Variants in NTRK2 observed in about 807,000 individuals in gnomAD.
NTRK2 encodes BDNF/NT-3 growth factors receptor.
In NTRK2, 13 loss-of-function variants were observed where a neutral mutation model predicts 94.5. That is an observed-to-expected ratio of 0.14 (90% CI 0.09 to 0.22). The LOEUF is 0.22. NTRK2 is among the 10% of genes least tolerant of loss of function. The pLI is 1.00. For synonymous variants in NTRK2, 372 were observed against 407.4 expected (o/e 0.91, Z 1.05); for missense variants, 639 against 1,071.2 (o/e 0.60, Z 5.63).
intron 14 of NTRK2, among the ~76,000 whole-genome samples, chr9:84,922,479 A>G (rs975838772): frequency 7.9e-5 from 12 of 152,196 alleles, no homozygotes; most frequent in Admixed American, 6.5e-4. Flanking sequence ...TCTCTCTGTT[A>G]GACTCTCCAT....
intron 14 of NTRK2, among the ~76,000 whole-genome samples, chr9:84,898,697 G>T (rs1235607797): frequency 6.6e-6 from 1 of 151,218 alleles, no homozygotes; most frequent in Non-Finnish European, 1.5e-5. Context: ...TTTTTTCTAA[G>T]ACAGAGTCTC....
At chr9:84,922,751 C>G (rs932271487) in intron 14 of NTRK2, among the ~76,000 whole-genome samples, 2 of 152,188 alleles carry the variant, frequency 1.3e-5, no homozygotes, top group Non-Finnish European at 2.9e-5. Flanking sequence ...ATTGACTTCC[C>G]CTTCCTCTTA....
At chr9:84,998,698 C>T (rs1356105236) in intron 17 of NTRK2, among the ~76,000 whole-genome samples, 2 of 152,190 alleles carry the variant, frequency 1.3e-5, no homozygotes, top group Non-Finnish European at 2.9e-5. Flanking sequence ...ACACCTTGGC[C>T]TCTGGCTCTG....
At chr9:84,721,411 C>T (rs1447520842) in intron 6 of NTRK2, among the ~76,000 whole-genome samples, 1 of 152,036 alleles carries the variant, frequency 6.6e-6, no homozygotes, top group Non-Finnish European at 1.5e-5. Context: ...CTCCTGACCT[C>T]GTGATCCACC....
chr9:84,873,948 C>A, intron 14 of NTRK2: 4 of 1,063,006 alleles, frequency 3.8e-6, no homozygotes, highest in South Asian at 9.1e-5. Flanking sequence ...TCATCATCGG[C>A]CAACCAAGAT....
chr9:84,740,806 A>G (rs1461607463), intron 9 of NTRK2, among the ~76,000 whole-genome samples: 4 of 152,160 alleles, frequency 2.6e-5, no homozygotes, highest in Admixed American at 1.3e-4. Context: ...GGCCACTTTT[A>G]TTTGGTTCTT....
intron 2 of NTRK2, among the ~76,000 whole-genome samples, chr9:84,687,690 T>A (rs903194042): frequency 1.3e-5 from 2 of 152,220 alleles, no homozygotes; most frequent in Non-Finnish European, 2.9e-5. Flanking sequence ...CTTTTATATA[T>A]GCTTATATTG....
At chr9:84,895,236 C>G (rs1229456719) in intron 14 of NTRK2, among the ~76,000 whole-genome samples, 1 of 152,214 alleles carries the variant, frequency 6.6e-6, no homozygotes, top group Non-Finnish European at 1.5e-5. Context: ...ACAGAGATTT[C>G]TACTTTCTCT....
chr9:84,814,030 G>T (rs1450236975), intron 12 of NTRK2: 3 of 1,064,870 alleles, frequency 2.8e-6, no homozygotes, highest in Non-Finnish European at 3.4e-6. Flanking sequence ...CTCACAACAG[G>T]AAAAACAAAT....
rs60110666 is a variant in NTRK2, at chr9:84,785,079, A to G, written c.1396+32994A>G. Among the ~76,000 whole-genome samples the G allele has an allele frequency of 7.9e-5, 12 of 152,334 alleles. No individual in the cohort carries two copies. The South Asian group carries it at 1.7e-3, about 21-fold the overall frequency. On this transcript the variant is annotated intron_variant, in intron 12 of 18. Transcript: ENST00000277120. The stretch of plus-strand genomic sequence containing the variant: ...CATAAATTCTATTTAATTCAAGTTC[A>G]TGCATTTCACTAGAGAAAGCACCTT...
chr9:84,743,096 C>A (rs868583405), intron 10 of NTRK2, among the ~76,000 whole-genome samples: 1 of 152,072 alleles, frequency 6.6e-6, no homozygotes, highest in South Asian at 2.1e-4. Context: ...CCACCATGCC[C>A]GGCCTATATT....
At chr9:84,882,834 G>A (rs2076303558) in intron 14 of NTRK2, among the ~76,000 whole-genome samples, 1 of 152,144 alleles carries the variant, frequency 6.6e-6, no homozygotes, top group Admixed American at 6.5e-5. Flanking sequence ...CGCGATCTCG[G>A]CTCACTGAAA....
At chr9:84,905,866 C>T (rs1466660708) in intron 14 of NTRK2, among the ~76,000 whole-genome samples, 2 of 152,126 alleles carry the variant, frequency 1.3e-5, no homozygotes, top group South Asian at 2.1e-4. Flanking sequence ...TAGCATTTGG[C>T]TGCTGATTGG....
chr9:84,891,922 G>GT, intron 14 of NTRK2, among the ~76,000 whole-genome samples: 1 of 149,398 alleles, frequency 6.7e-6, no homozygotes, highest in East Asian at 2.0e-4. Context: ...CACTAAAACT[G>GT]GTTTTTTTTT....
chr9:84,714,358 G>T (rs924476512), intron 6 of NTRK2, among the ~76,000 whole-genome samples: 5 of 152,118 alleles, frequency 3.3e-5, no homozygotes, highest in Non-Finnish European at 7.4e-5. Context: ...TCCACTTGGG[G>T]CTGTACTGCT....
intron 14 of NTRK2, among the ~76,000 whole-genome samples, chr9:84,926,106 TTTCCTTCCTTCCTTCCTTCCTTCCTTCC>T (rs1197073231): frequency 7.3e-5 from 8 of 108,850 alleles, no homozygotes; most frequent in African/African-American, 3.1e-4. Flanking sequence ...CCTTCCTTCC[TTTCCTTCCTTCCTTCCTTCCTTCCTTCC>T]TTCCTTCCTT....
intron 13 of NTRK2, among the ~76,000 whole-genome samples, chr9:84,866,843 A>G (rs1050383887): frequency 2.6e-5 from 4 of 152,240 alleles, no homozygotes; most frequent in Non-Finnish European, 5.9e-5. Flanking sequence ...TGGATAAATA[A>G]CATGCAACAT....
chr9:84,778,362 T>C (rs941431809), intron 12 of NTRK2, among the ~76,000 whole-genome samples: 5 of 152,224 alleles, frequency 3.3e-5, no homozygotes, highest in African/African-American at 1.2e-4. Context: ...CTTATTTCTC[T>C]CCTATGGAAG....
rs11140740 is a variant in NTRK2, at chr9:84,708,982, G to A, written c.428+1070G>A. On this transcript the variant is annotated intron_variant, in intron 5 of 18. Transcript: ENST00000277120. ...CAACATTGTGTAAAATTTTCTTGCT[G>A]GATTAAAAATTAGAGTTTCAATTTC... Among the ~76,000 whole-genome samples, 166 of 152,264 alleles carry A rather than the reference G, an allele frequency of 1.1e-3. 1 individual carries two copies. In the East Asian group the frequency reaches 0.03, roughly 28 times the overall value.
Sources: allele counts gnomAD v4.1 joint callset (sites outside exome capture counted in the v4.1 genomes callset), GRCh38; gene constraint gnomAD v4.1.1; transcripts MANE v1.5; gene names NCBI Gene and HGNC (gene_info 2026-07-23, HGNC 2026-07-21).